The following PTPRD variants were observed in gnomAD, a reference collection of about 807,000 sequenced individuals.
The protein encoded by PTPRD is protein tyrosine phosphatase receptor type D.
PTPRD carries 34 observed loss-of-function variants against 214.5 expected under a neutral mutation model. The observed-to-expected ratio is 0.16, with a 90% CI of 0.12 to 0.21. PTPRD has a LOEUF of 0.21. PTPRD is among the 10% of genes least tolerant of loss of function. The probability of loss-of-function intolerance (pLI) is 1.00; values close to 1 mark genes in which losing one functional copy is unlikely to be tolerated. For synonymous variants in PTPRD, 1,128 were observed against 845.7 expected, an observed-to-expected ratio of 1.33 and a Z score of -5.79; for missense variants, 2,545 against 2,398.7, an observed-to-expected ratio of 1.06 and a Z score of -1.27.
intron 25 of PTPRD, 118 bp from the exon 26 acceptor site, chr9:8,497,386 G>A: frequency 1.3e-6 from 1 of 780,322 alleles, no homozygotes; most frequent in East Asian, 3.2e-5. Context: ...AAAGCAGTGT[G>A]TACAATAAAA....
At chr9:8,993,095 A>G (rs2099383898) in intron 11 of PTPRD, among the ~76,000 whole-genome samples, 1 of 152,172 alleles carries the variant, frequency 6.6e-6, no homozygotes, top group African/African-American at 2.4e-5. Flanking sequence ...GAAATCAATC[A>G]GAGGAAGAAT....
At chr9:8,870,241 A>G (rs2098272258) in intron 11 of PTPRD, among the ~76,000 whole-genome samples, 1 of 152,088 alleles carries the variant, frequency 6.6e-6, no homozygotes, top group Admixed American at 6.6e-5. Context: ...CATCTCATAT[A>G]TAACATGAAA....
chr9:9,185,030 T>C (rs1400872613), intron 9 of PTPRD, among the ~76,000 whole-genome samples: 1 of 152,068 alleles, frequency 6.6e-6, no homozygotes, highest in East Asian at 1.9e-4. Context: ...GGCCTCTATT[T>C]GTGGGTTTTA....
At chr9:10,327,966 A>C (rs2096675052) in intron 3 of PTPRD, among the ~76,000 whole-genome samples, 1 of 151,774 alleles carries the variant, frequency 6.6e-6, no homozygotes. Flanking sequence ...TATTATAAAA[A>C]TTATCCTGTC....
At chr9:8,743,344 C>T (rs1215130731) in intron 11 of PTPRD, among the ~76,000 whole-genome samples, 2 of 152,120 alleles carry the variant, frequency 1.3e-5, no homozygotes, top group African/African-American at 2.4e-5. Flanking sequence ...AAGAATGAAG[C>T]TGTTAAATGG....
chr9:9,454,736 TAAC>T (rs2145503275), intron 8 of PTPRD, among the ~76,000 whole-genome samples: 1 of 151,772 alleles, frequency 6.6e-6, no homozygotes, highest in South Asian at 2.1e-4. Context: ...CTGTAAAAGT[TAAC>T]AACATTCTAC....
At chr9:9,243,253 T>C (rs910912344) in intron 9 of PTPRD, among the ~76,000 whole-genome samples, 3 of 152,028 alleles carry the variant, frequency 2.0e-5, no homozygotes, top group African/African-American at 7.2e-5. Flanking sequence ...ACTATTACAA[T>C]CAATAGAAAA....
At chr9:9,659,752 T>G (rs2096587735) in intron 7 of PTPRD, among the ~76,000 whole-genome samples, 1 of 152,028 alleles carries the variant, frequency 6.6e-6, no homozygotes, top group Non-Finnish European at 1.5e-5. Context: ...GGTGATTCAA[T>G]CTCATCACAA....
chr9:10,012,387 T>C (rs982799506), intron 4 of PTPRD, among the ~76,000 whole-genome samples: 1 of 151,916 alleles, frequency 6.6e-6, no homozygotes, highest in Non-Finnish European at 1.5e-5. Flanking sequence ...TTTTCCACTG[T>C]TCCTTTGAGT....
chr9:9,500,475 T>C (rs970955408), intron 8 of PTPRD, among the ~76,000 whole-genome samples: 1 of 151,988 alleles, frequency 6.6e-6, no homozygotes, highest in African/African-American at 2.4e-5. Flanking sequence ...GTTGAGACTA[T>C]AGATATTGAG....
In PTPRD at chr9:9,384,343, C is replaced by CTTTTTTT. The variant is rs869246078; in HGVS notation, c.-203+13099_-203+13105dup. 1.8e-3 allele frequency among the ~76,000 whole-genome samples: 59 copies of CTTTTTTT among 33,318 alleles called. 22 individuals carry two copies. The highest frequency in any genetic ancestry group is 3.4e-3 in the Non-Finnish European group (48 of 14,296). The allele number at this position is 33,318 out of a possible 152,430, so 21.9% of individuals were successfully genotyped here. The stretch of plus-strand genomic sequence containing the variant: ...GATGATATTTGAGCAGAAGACTAGG[C>CTTTTTTT]TTTTTTTTTTTTTTTTTTTTTTTTT... On this transcript the variant is annotated intron_variant, in intron 9 of 45. Coordinates refer to ENST00000381196, the MANE Select transcript of PTPRD (RefSeq NM_002839.4).
At chr9:8,585,307 T>C (rs563767581) in intron 14 of PTPRD, among the ~76,000 whole-genome samples, 1 of 152,184 alleles carries the variant, frequency 6.6e-6, no homozygotes, top group Non-Finnish European at 1.5e-5. Context: ...TTTAACTTTA[T>C]AAAAAGAACA....
At chr9:8,809,827 T>C (rs1329160215) in intron 11 of PTPRD, among the ~76,000 whole-genome samples, 2 of 151,936 alleles carry the variant, frequency 1.3e-5, no homozygotes, top group African/African-American at 4.8e-5. Flanking sequence ...CTCTCCTTCT[T>C]AAAACAATAA....
chr9:9,056,415 GCACAGACCTGAT>G (rs893516939), intron 10 of PTPRD, among the ~76,000 whole-genome samples: 2 of 152,150 alleles, frequency 1.3e-5, no homozygotes, highest in Non-Finnish European at 2.9e-5. Flanking sequence ...AACCCGCATA[GCACAGACCTGAT>G]CAGTGTGAAG....
At position 8,626,857 on chromosome 9, in the gene PTPRD, T is replaced by C. The variant is rs188004941; in HGVS notation, c.352+6460A>G. Reference sequence around the variant, plus strand: ...CAACTTTGGCAGATCTTGAAACTTCTTGGCCTCATTAATAATGTCAGCTAA... The same window carrying C: ...CAACTTTGGCAGATCTTGAAACTTCCTGGCCTCATTAATAATGTCAGCTAA... On this transcript the variant is annotated intron_variant, in intron 14 of 45. Transcript: ENST00000381196. Among the ~76,000 whole-genome samples, 3 of 151,854 alleles carry C rather than the reference T, an allele frequency of 2.0e-5. No homozygotes were observed. In the East Asian group the frequency reaches 5.9e-4, roughly 30 times the overall value.
chr9:9,175,939 A>G (rs1432562990), intron 10 of PTPRD, among the ~76,000 whole-genome samples: 1 of 152,182 alleles, frequency 6.6e-6, no homozygotes, highest in Non-Finnish European at 1.5e-5. Context: ...AAAGAAGCAC[A>G]AAGTCTTTTA....
intron 8 of PTPRD, among the ~76,000 whole-genome samples, chr9:9,565,461 TTTTTA>T (rs1191882384): frequency 1.3e-5 from 2 of 151,946 alleles, no homozygotes; most frequent in African/African-American, 4.8e-5. Context: ...ATAAAAATCC[TTTTTA>T]TTTTGATACC....
At position 8,546,441 on chromosome 9, in the gene PTPRD, T is replaced by C. The variant is rs577785572; in HGVS notation, c.353-17662A>G. On this transcript the variant is annotated intron_variant, in intron 14 of 45. Coordinates refer to ENST00000381196, the MANE Select transcript of PTPRD (RefSeq NM_002839.4). ...ACTATATCCTCGTTCTCAAGAACTA[T>C]GGGAGAGAACTTTTCCCCTGGTTTC... 8.3e-4 allele frequency among the ~76,000 whole-genome samples: 127 copies of C among 152,154 alleles called. 2 individuals carry two copies. Among genetic ancestry groups the C allele is most frequent in the Middle Eastern group, 6.3e-3 (2 of 316 alleles).
rs1591379806 is a variant in PTPRD at position 10,108,165 on chromosome 9, T to C, written c.-544-74375A>G. 5.9e-5 allele frequency among the ~76,000 whole-genome samples: 9 copies of C among 152,204 alleles called. No homozygotes were observed. The South Asian group carries it at 1.9e-3, about 32-fold the overall frequency. On this transcript the variant is annotated intron_variant, in intron 3 of 45. Coordinates refer to ENST00000381196, the MANE Select transcript of PTPRD (RefSeq NM_002839.4). The stretch of plus-strand genomic sequence containing the variant: ...ACACTAGGAATTTGTTATATTGTTT[T>C]CTTTTCTTTTGTCTTTATTTTTTAA...
Sources: allele counts gnomAD v4.1 joint callset (sites outside exome capture counted in the v4.1 genomes callset), GRCh38; gene constraint gnomAD v4.1.1; transcripts MANE v1.5; gene names NCBI Gene and HGNC (gene_info 2026-07-23, HGNC 2026-07-21).